The following TP53BP1 variants were observed in gnomAD, a reference collection of about 807,000 sequenced individuals.
TP53BP1 encodes tumor protein p53 binding protein 1.
In TP53BP1, 61 loss-of-function variants were observed where a neutral mutation model predicts 200.8. That is an observed-to-expected ratio of 0.30 (90% CI 0.25 to 0.38). The LOEUF (loss-of-function observed/expected upper bound fraction) is 0.38. TP53BP1 is among the 10% of genes least tolerant of loss of function. The pLI is 1.00. For missense variants in TP53BP1, 2,144 were observed against 2,371.9 expected (o/e 0.90, Z 2.00); for synonymous variants, 822 against 844.3 (o/e 0.97, Z 0.46).
At chr15:43,468,633 C>G (rs1191026157) in intron 11 of TP53BP1, among the ~76,000 whole-genome samples, 1 of 139,930 alleles carries the variant, frequency 7.1e-6, no homozygotes, top group African/African-American at 3.1e-5. Context: ...AACCCTTTCA[C>G]TGCCAACAAC....
At chr15:43,413,005 T>A in intron 24 of TP53BP1, 114 bp downstream of exon 24, 1 of 925,670 alleles carries the variant, frequency 1.1e-6, no homozygotes, top group Non-Finnish European at 1.6e-6. Context: ...AAGATCCCAG[T>A]TGCTACTTGC....
At chr15:43,429,720 C>T (rs1317591739) in intron 17 of TP53BP1, among the ~76,000 whole-genome samples, 1 of 152,118 alleles carries the variant, frequency 6.6e-6, no homozygotes. Context: ...CGCTACTCAT[C>T]CAATTATTTA....
intron 12 of TP53BP1, among the ~76,000 whole-genome samples, chr15:43,453,113 G>A (rs907038373): frequency 7.4e-6 from 1 of 135,036 alleles, no homozygotes; most frequent in East Asian, 2.4e-4. Context: ...AGAATGGCAT[G>A]AACCCAAGAG....
At position 43,501,203 on chromosome 15, in the gene TP53BP1, A is replaced by ATTT. The variant is rs36110259; in HGVS notation, c.-8-8738_-8-8736dup. Among the ~76,000 whole-genome samples the ATTT allele has an allele frequency of 8.0e-3, 1,160 of 145,304 alleles. 19 individuals are homozygous for ATTT. The highest frequency in any genetic ancestry group is 0.024 in the African/African-American group (965 of 39,678). On this transcript the variant is annotated intron_variant, in intron 1 of 27. Transcript: ENST00000263801. ...GAAATCTATAGCTCTTAATTGTGTA[A>ATTT]TTTTTTTTTTTTTTAAGAGACAGGG...
chr15:43,459,610 C>T (rs1007071940), intron 11 of TP53BP1, among the ~76,000 whole-genome samples: 8 of 151,026 alleles, frequency 5.3e-5, no homozygotes, highest in South Asian at 4.2e-4. Context: ...AGTAAAAGAG[C>T]TCAAAAATAA....
chr15:43,416,737 C>G (rs2045274089), intron 21 of TP53BP1: 1 of 214,348 alleles, frequency 4.7e-6, no homozygotes, highest in South Asian at 1.3e-4. Context: ...CATGTGGTTT[C>G]CTAACAATTC....
intron 12 of TP53BP1, among the ~76,000 whole-genome samples, chr15:43,449,126 CA>C (rs1044404070): frequency 6.6e-6 from 1 of 151,638 alleles, no homozygotes; most frequent in African/African-American, 2.4e-5. Flanking sequence ...GACCGTGCCT[CA>C]AAAAAACAAA....
chr15:43,492,939 C>T lies in TP53BP1; in HGVS notation c.7+98G>A. 3 of 1,520,500 alleles carry T rather than the reference C, an allele frequency of 2.0e-6. No individual in the cohort carries two copies. The South Asian group carries it at 3.5e-5, about 18-fold the overall frequency. The allele number at this position is 1,520,500 out of a possible 1,614,324, so 94.2% of individuals were successfully genotyped here. On this transcript the variant is annotated intron_variant, in intron 1 of 27. Coordinates refer to ENST00000382044, the MANE Select transcript of TP53BP1 (RefSeq NM_001141980.3). ...CCAACCCCTTCCCCGTCACCGCCGCCATGCTTGCCACCCCGCCCCCTCCGG... is the reference window on the plus strand; with the variant it reads ...CCAACCCCTTCCCCGTCACCGCCGCTATGCTTGCCACCCCGCCCCCTCCGG...
Position 43,474,787 on chromosome 15 carries a change from C to CA in TP53BP1, c.1086-21dup, listed in dbSNP as rs1194903840. The CA allele has an allele frequency of 1.9e-6, 3 of 1,550,834 alleles. No individual in the cohort carries two copies. The highest frequency in any genetic ancestry group is 2.7e-6 in the Non-Finnish European group (3 of 1,125,608). ...GAATTCCTTTATATAAAGAGAGAAT[C>CA]ACAGGTTATTTTACCATAGCCACAG... On this transcript the variant is annotated intron_variant, in intron 9 of 27. Coordinates refer to ENST00000382044, the MANE Select transcript of TP53BP1 (RefSeq NM_001141980.3).
At chr15:43,508,575 T>C (rs2079251180) in intron 1 of TP53BP1, among the ~76,000 whole-genome samples, 1 of 152,156 alleles carries the variant, frequency 6.6e-6, no homozygotes, top group Non-Finnish European at 1.5e-5. Flanking sequence ...GAGGTTACAG[T>C]GAGCTACAAT....
chr15:43,433,739 G>A (rs923317519), intron 16 of TP53BP1, among the ~76,000 whole-genome samples: 4 of 152,058 alleles, frequency 2.6e-5, no homozygotes, highest in East Asian at 3.9e-4. Context: ...TTCAGTTCTC[G>A]GCATGACAGT....
rs780438572 is a variant in TP53BP1 at position 43,475,721 on chromosome 15, T to G, written c.956-27A>C. On this transcript the variant is annotated intron_variant, in intron 8 of 27. Transcript: ENST00000382044. ...TGAAAAAAAGAAATTCCAGTTGCAC[T>G]TCTCAGATTGACACTACTGAGCTGC... 47 of 1,612,590 alleles carry G rather than the reference T, an allele frequency of 2.9e-5. No individual in the cohort carries two copies. In the East Asian group the frequency reaches 1.0e-3, roughly 36 times the overall value.
intron 23 of TP53BP1, among the ~76,000 whole-genome samples, chr15:43,414,723 T>C (rs542217988): frequency 3.3e-5 from 5 of 152,080 alleles, no homozygotes; most frequent in East Asian, 3.9e-4. Flanking sequence ...TTTTTTTTTT[T>C]TTGATGGAGT....
intron 11 of TP53BP1, among the ~76,000 whole-genome samples, chr15:43,463,126 C>A (rs1218417067): frequency 6.6e-6 from 1 of 152,166 alleles, no homozygotes; most frequent in Non-Finnish European, 1.5e-5. Flanking sequence ...TATGCCACCA[C>A]CACCACTATT....
intron 10 of TP53BP1, among the ~76,000 whole-genome samples, chr15:43,474,231 G>A (rs950926568): frequency 3.3e-5 from 5 of 152,254 alleles, no homozygotes; most frequent in East Asian, 1.9e-4. Context: ...CAAGCGCCGC[G>A]CACAGCCCCG....
chr15:43,413,971 T>TA (rs769346116), intron 23 of TP53BP1: 1 of 370,942 alleles, frequency 2.7e-6, no homozygotes, highest in Non-Finnish European at 5.5e-6. Context: ...AACACCTGGG[T>TA]AAGTAAGTGA....
chr15:43,422,316 CTGAACTGAA>C (rs1209000259), intron 18 of TP53BP1, among the ~76,000 whole-genome samples, 190 bp from the exon 19 acceptor site: 4 of 151,992 alleles, frequency 2.6e-5, no homozygotes, highest in African/African-American at 9.7e-5. Context: ...TCAAAAGCCA[CTGAACTGAA>C]CATTTAGGAT....
intron 11 of TP53BP1, among the ~76,000 whole-genome samples, chr15:43,459,297 A>C (rs1203205306): frequency 6.6e-6 from 1 of 152,184 alleles, no homozygotes; most frequent in African/African-American, 2.4e-5. Flanking sequence ...AAATCACGCC[A>C]CTGCACTCCA....
chr15:43,479,604 A>G (rs2078933971), intron 6 of TP53BP1, 78 bp from the exon 7 acceptor site: 1 of 1,472,250 alleles, frequency 6.8e-7, no homozygotes, highest in Non-Finnish European at 9.2e-7. Context: ...TGTTTTTTAA[A>G]AAGCAAAGAT....
Sources: gnomAD v4.1 joint callset for allele counts (sites outside exome capture counted in the v4.1 genomes callset) on GRCh38, gnomAD v4.1.1 for gene constraint, MANE v1.5 for transcripts, NCBI Gene and HGNC (gene_info 2026-07-23, HGNC 2026-07-21) for gene names.